NAV3: variants seen among roughly 807,000 people sequenced by gnomAD.
The protein encoded by NAV3 is pore membrane and/or filament interacting like protein 1.
In NAV3, 87 loss-of-function variants were observed where a neutral mutation model predicts 244.7. The ratio of observed to expected loss-of-function variants is 0.36; its 90% confidence interval spans 0.30 to 0.42. NAV3 has a LOEUF of 0.42. Ranked by LOEUF, NAV3 falls within the 20% of genes least tolerant of loss-of-function variation. The pLI is 1.00. For synonymous variants in NAV3, 1,126 were observed against 1,042.2 expected (o/e 1.08, Z -1.55); for missense variants, 2,663 against 2,893.3 (o/e 0.92, Z 1.83).
chr12:77,717,003 ATGCTT>A (rs1430525609), intron 2 of NAV3, among the ~76,000 whole-genome samples: 3 of 152,164 alleles, frequency 2.0e-5, no homozygotes, highest in Non-Finnish European at 4.4e-5. Context: ...TAAACCAATC[ATGCTT>A]TGCAGCTTGC....
chr12:77,704,023 G>T (rs1299494569), intron 2 of NAV3, among the ~76,000 whole-genome samples: 1 of 152,152 alleles, frequency 6.6e-6, no homozygotes, highest in African/African-American at 2.4e-5. Flanking sequence ...TGGATATCTT[G>T]TTGAGGTCAC....
intron 1 of NAV3, among the ~76,000 whole-genome samples, chr12:77,867,087 C>G (rs570625125): frequency 6.6e-6 from 1 of 152,292 alleles, no homozygotes; most frequent in African/African-American, 2.4e-5. Flanking sequence ...ATATGTTTGG[C>G]TGTGTCCTTA....
chr12:77,644,675 C>G (rs941827572), intron 2 of NAV3, among the ~76,000 whole-genome samples: 1 of 151,868 alleles, frequency 6.6e-6, no homozygotes, highest in Non-Finnish European at 1.5e-5. Context: ...AAATTTACAC[C>G]AAGAAGGAAT....
intron 12 of NAV3, among the ~76,000 whole-genome samples, chr12:78,074,927 T>A (rs1423656387): frequency 6.6e-6 from 1 of 152,180 alleles, no homozygotes; most frequent in African/African-American, 2.4e-5. Context: ...TTTTCTATCT[T>A]AGCAAAAGAC....
At chr12:78,166,914 A>G (rs394424) in intron 23 of NAV3, among the ~76,000 whole-genome samples, 7,161 of 151,816 alleles carry the variant, frequency 0.047, 197 homozygotes, top group Non-Finnish European at 0.071. Flanking sequence ...CCGTAGTACA[A>G]GCATTATTGA....
intron 1 of NAV3, among the ~76,000 whole-genome samples, chr12:77,862,387 A>G (rs1381521976): frequency 4.6e-5 from 7 of 151,708 alleles, no homozygotes. Context: ...TGTCAACAAG[A>G]TGAATTTGTT....
At chr12:78,209,429 A>G (rs985536361) in intron 39 of NAV3, among the ~76,000 whole-genome samples, 1 of 152,168 alleles carries the variant, frequency 6.6e-6, no homozygotes, top group African/African-American at 2.4e-5. Context: ...ACAATTTATA[A>G]AAACCCTTGA....
At chr12:77,888,638 A>G (rs1004399708) in intron 1 of NAV3, among the ~76,000 whole-genome samples, 18 of 152,168 alleles carry the variant, frequency 1.2e-4, no homozygotes, top group Non-Finnish European at 2.2e-4. Context: ...GTCCCAAGTA[A>G]GTCTTTGGGT....
intron 12 of NAV3, among the ~76,000 whole-genome samples, chr12:78,094,495 G>T (rs1472374510): frequency 6.6e-6 from 1 of 152,138 alleles, no homozygotes; most frequent in Non-Finnish European, 1.5e-5. Flanking sequence ...TTACTAAGAT[G>T]ATTGCAAATT....
rs372291982 is a variant in NAV3, at chr12:78,188,235, T to A, written c.5791-13T>A. The stretch of plus-strand genomic sequence containing the variant: ...GGTTGGATTTTATCTTACTTTATTT[T>A]GTTCTTATTTAGGACCAAAAATCTC... On this transcript the variant is annotated splice_polypyrimidine_tract_variant and intron_variant, in intron 31 of 39. Transcript: ENST00000397909. The A allele has an allele frequency of 1.3e-6, 2 of 1,571,694 alleles. No homozygotes were observed. Among genetic ancestry groups the A allele is most frequent in the Non-Finnish European group, 1.7e-6 (2 of 1,147,166 alleles).
intron 1 of NAV3, among the ~76,000 whole-genome samples, chr12:77,919,461 G>T (rs979528745): frequency 6.6e-6 from 1 of 151,996 alleles, no homozygotes; most frequent in African/African-American, 2.4e-5. Context: ...AGTAACAATT[G>T]CAACTCCGTA....
chr12:77,977,712 G>GCACA (rs540138192), intron 5 of NAV3, among the ~76,000 whole-genome samples: 2,003 of 143,046 alleles, frequency 0.014, 12 homozygotes, highest in Middle Eastern at 0.043. Flanking sequence ...ACACACACGC[G>GCACA]CACACACACA....
chr12:77,691,587 A>T (rs1875034848), intron 2 of NAV3, among the ~76,000 whole-genome samples: 1 of 151,430 alleles, frequency 6.6e-6, no homozygotes, highest in Admixed American at 6.6e-5. Flanking sequence ...AGATTAAAAA[A>T]TACTTGATAT....
intron 8 of NAV3, among the ~76,000 whole-genome samples, chr12:78,020,723 G>A (rs1014016105): frequency 1.7e-4 from 26 of 151,874 alleles, no homozygotes; most frequent in Non-Finnish European, 3.4e-4. Flanking sequence ...AAAGCAAAAT[G>A]TTAATTAAGC....
intron 2 of NAV3, among the ~76,000 whole-genome samples, chr12:77,589,532 G>A (rs1869804921): frequency 6.6e-6 from 1 of 152,200 alleles, no homozygotes; most frequent in African/African-American, 2.4e-5. Context: ...AGAAGGGGAA[G>A]CAAACACATC....
intron 3 of NAV3, among the ~76,000 whole-genome samples, chr12:77,943,418 G>C (rs1435364483): frequency 6.6e-6 from 1 of 152,026 alleles, no homozygotes; most frequent in Non-Finnish European, 1.5e-5. Context: ...ATTTCTTTAA[G>C]ATGTGGTTGA....
chr12:77,868,504 C>T (rs893291282), intron 1 of NAV3, among the ~76,000 whole-genome samples: 5 of 151,898 alleles, frequency 3.3e-5, no homozygotes, highest in Admixed American at 2.6e-4. Flanking sequence ...ACCTGCAATC[C>T]CAGCACTTTG....
intron 18 of NAV3, among the ~76,000 whole-genome samples, chr12:78,129,862 C>T: frequency 6.6e-6 from 1 of 152,118 alleles, no homozygotes; most frequent in East Asian, 1.9e-4. Flanking sequence ...GTCAAACTAT[C>T]CCAGAGCACA....
At chr12:78,040,802 T>TTTCATATTG (rs1476115597) in intron 9 of NAV3, among the ~76,000 whole-genome samples, 1 of 152,180 alleles carries the variant, frequency 6.6e-6, no homozygotes, top group Non-Finnish European at 1.5e-5. Flanking sequence ...TGCCAATAAC[T>TTTCATATTG]GTATGAAATC....
Sources: gnomAD v4.1 joint callset for allele counts (sites outside exome capture counted in the v4.1 genomes callset) on GRCh38, gnomAD v4.1.1 for gene constraint, MANE v1.5 for transcripts, NCBI Gene and HGNC (gene_info 2026-07-23, HGNC 2026-07-21) for gene names.